ARHGAP35: variants seen among roughly 807,000 people sequenced by gnomAD.
ARHGAP35 encodes the protein rho GTPase-activating protein 35.
Under a neutral mutation model 111.1 loss-of-function variants are expected in ARHGAP35, and 15 were observed. That is an observed-to-expected ratio of 0.13 (90% CI 0.09 to 0.21). ARHGAP35 has a LOEUF of 0.21. ARHGAP35 is among the 10% of genes least tolerant of loss of function. The pLI is 1.00. For missense variants in ARHGAP35, 1,262 were observed against 1,873.0 expected (o/e 0.67, Z 6.02); for synonymous variants, 643 against 710.3 (o/e 0.91, Z 1.51).
Position 46,922,460 on chromosome 19 carries a change from A to G in ARHGAP35, c.3681+104A>G. The stretch of plus-strand genomic sequence containing the variant: ...GACAACCTATTCTGGTAAAAAAAAA[A>G]CTGCCCTGTGTGTGTATTTGACTTA... On this transcript the variant is annotated intron_variant, in intron 2 of 6. Coordinates refer to ENST00000672722, the MANE Select transcript of ARHGAP35 (RefSeq NM_004491.5). The surrounding 1 kb of genome is among the most constrained non-coding windows in gnomAD (Gnocchi z 4.0). 1 of 1,142,790 alleles carries G rather than the reference A, an allele frequency of 8.8e-7. No homozygotes were observed. The highest frequency in any genetic ancestry group is 1.2e-6 in the Non-Finnish European group (1 of 838,578). 70.8% of individuals were successfully genotyped at this position (1,142,790 alleles called of 1,614,324 possible). A position where few individuals can be genotyped will look rare whatever the true frequency, so the allele number is the denominator to read the frequency against.
intron 3 of ARHGAP35, among the ~76,000 whole-genome samples, chr19:46,961,212 T>C (rs969270161): frequency 1.1e-4 from 16 of 152,202 alleles, no homozygotes; most frequent in Non-Finnish European, 1.5e-4. Context: ...TAATAATTTG[T>C]TTAATCAGTC....
At chr19:46,870,899 C>A (rs1288633658) in intron 1 of ARHGAP35, among the ~76,000 whole-genome samples, 3 of 152,046 alleles carry the variant, frequency 2.0e-5, no homozygotes, top group Admixed American at 2.0e-4. Flanking sequence ...TCTTAAGTGT[C>A]CATTTCTGAA....
In ARHGAP35 at chr19:46,993,623, G is replaced by A. The variant is rs1041404154; in HGVS notation, c.4036+3948G>A. Among the ~76,000 whole-genome samples the A allele has an allele frequency of 6.6e-6, 1 of 152,168 alleles. No homozygotes were observed. The highest frequency in any genetic ancestry group is 1.5e-5 in the Non-Finnish European group (1 of 68,022). The stretch of plus-strand genomic sequence containing the variant: ...CTCCTGAGTTCTTGGGGTCTCTATT[G>A]TACTAAATTGCTGGATCTGTGTCCA... On this transcript the variant is annotated intron_variant, in intron 5 of 6. Transcript: ENST00000672722. This position sits in a 1 kb window ranked among gnomAD's most constrained non-coding sequence, Gnocchi z 4.6.
At chr19:46,954,738 T>G (rs2056429883) in intron 3 of ARHGAP35, among the ~76,000 whole-genome samples, 1 of 152,268 alleles carries the variant, frequency 6.6e-6, no homozygotes, top group Non-Finnish European at 1.5e-5. Flanking sequence ...TCACACAATT[T>G]ATCTTTTCAT....
intron 1 of ARHGAP35, among the ~76,000 whole-genome samples, chr19:46,900,530 C>G (rs935173924): frequency 1.3e-5 from 2 of 152,092 alleles, no homozygotes; most frequent in Admixed American, 1.3e-4. Context: ...CTTTATTAGC[C>G]AATTTGAAAC....
intron 3 of ARHGAP35, among the ~76,000 whole-genome samples, chr19:46,971,225 G>A (rs564227289): frequency 6.6e-6 from 1 of 152,198 alleles, no homozygotes; most frequent in East Asian, 1.9e-4. Flanking sequence ...GGCCAATATG[G>A]TGAAACCCCA....
At chr19:46,888,316 A>G (rs1390784009) in intron 1 of ARHGAP35, among the ~76,000 whole-genome samples, 6 of 60,506 alleles carry the variant, frequency 9.9e-5, no homozygotes, top group African/African-American at 3.8e-4. Flanking sequence ...ATATATATAT[A>G]TAAAATATTG....
At chr19:46,941,485 T>C (rs1389314603) in intron 3 of ARHGAP35, among the ~76,000 whole-genome samples, 1 of 151,758 alleles carries the variant, frequency 6.6e-6, no homozygotes, top group East Asian at 2.0e-4. Context: ...GGAGAATTGC[T>C]TGAGGCCAAA....
chr19:46,881,311 G>C (rs2055961563), intron 1 of ARHGAP35, among the ~76,000 whole-genome samples: 1 of 152,220 alleles, frequency 6.6e-6, no homozygotes, highest in African/African-American at 2.4e-5. Context: ...ACTTTGCCCA[G>C]ATCCATCAAA....
intron 1 of ARHGAP35, among the ~76,000 whole-genome samples, chr19:46,866,190 C>T (rs1184982147): frequency 6.6e-6 from 1 of 152,128 alleles, no homozygotes; most frequent in African/African-American, 2.4e-5. Flanking sequence ...CAGCACTATC[C>T]ATGATGTCCA....
chr19:46,922,316 G>A lies in ARHGAP35; in HGVS notation c.3641G>A (p.Arg1214Gln), dbSNP rs2056207845. ...VIPYETDEDPRRRNILRSLRR... is the reference protein window; with the variant it reads ...VIPYETDEDPQRRNILRSLRR... The stretch of plus-strand genomic sequence containing the variant: ...CCATACGAAACAGACGAAGACCCGC[G>A]GAGGAGGAATATTCTTCGCAGCCTA... Residue 1214 changes from arginine to glutamine, a missense_variant, in exon 2 of 7, where the codon CGG becomes CAG. Physicochemically the swap from Arg to Gln is conservative, Grantham distance 43. Transcript: ENST00000672722. This position sits in a 1 kb window ranked among gnomAD's most constrained non-coding sequence, Gnocchi z 4.0. The A allele has an allele frequency of 1.2e-6, 2 of 1,611,900 alleles. No homozygotes were observed. Among genetic ancestry groups the A allele is most frequent in the Non-Finnish European group, 8.5e-7 (1 of 1,178,898 alleles).
Position 46,953,172 on chromosome 19 carries a change from G to A in ARHGAP35, c.3826+15764G>A, listed in dbSNP as rs149268369. ...CCAGACAGACAAAATCCTCACCCTC[G>A]TGTGGCATACATTATAACCCGGGGG... On this transcript the variant is annotated intron_variant, in intron 3 of 6. Transcript: ENST00000672722. Among the ~76,000 whole-genome samples, 206 of 152,246 alleles carry A rather than the reference G, an allele frequency of 1.4e-3. 1 individual carries two copies. Among genetic ancestry groups the A allele is most frequent in the African/African-American group, 4.5e-3 (186 of 41,546 alleles).
intron 3 of ARHGAP35, among the ~76,000 whole-genome samples, chr19:46,984,940 T>C (rs535918618): frequency 6.6e-6 from 1 of 152,358 alleles, no homozygotes; most frequent in African/African-American, 2.4e-5. Context: ...GGCCCTCGGC[T>C]GGCCAGGTCT....
intron 3 of ARHGAP35, among the ~76,000 whole-genome samples, chr19:46,976,201 A>C (rs546604389): frequency 6.8e-6 from 1 of 146,624 alleles, no homozygotes; most frequent in South Asian, 2.1e-4. Context: ...TTTAAAACAA[A>C]GCTTTCTCCT....
chr19:46,904,216 C>T (rs1262840135), intron 1 of ARHGAP35, among the ~76,000 whole-genome samples: 1 of 152,198 alleles, frequency 6.6e-6, no homozygotes, highest in African/African-American at 2.4e-5. Context: ...TTCCCCTCTC[C>T]CCTTCAGCTT....
intron 3 of ARHGAP35, among the ~76,000 whole-genome samples, chr19:46,963,778 A>G (rs1297708459): frequency 6.6e-6 from 1 of 152,204 alleles, no homozygotes; most frequent in Non-Finnish European, 1.5e-5. Context: ...GTATGCTTTA[A>G]TAATGGTTTA....
chr19:46,944,298 C>CA (rs1198310783), intron 3 of ARHGAP35, among the ~76,000 whole-genome samples: 1,304 of 64,630 alleles, frequency 0.02, 7 homozygotes, highest in African/African-American at 0.031. Flanking sequence ...GACCCTGTCT[C>CA]AAAAAAAAAA....
intron 3 of ARHGAP35, among the ~76,000 whole-genome samples, chr19:46,943,679 T>G (rs2056362551): frequency 6.6e-6 from 1 of 152,194 alleles, no homozygotes; most frequent in Non-Finnish European, 1.5e-5. Flanking sequence ...CAGTCCAAAG[T>G]CAGAAGTCTT....
intron 1 of ARHGAP35, among the ~76,000 whole-genome samples, chr19:46,915,868 G>A (rs1280169905): frequency 6.6e-6 from 1 of 151,516 alleles, no homozygotes; most frequent in African/African-American, 2.4e-5. Context: ...GGTTCTTTAA[G>A]GTGCCATTTT....
Sources: gnomAD v4.1 joint callset for allele counts (sites outside exome capture counted in the v4.1 genomes callset) on GRCh38, gnomAD v4.1.1 for gene constraint, Gnocchi (gnomAD v3.1) non-coding constraint, MANE v1.5 for transcripts, NCBI Gene and HGNC (gene_info 2026-07-23, HGNC 2026-07-21) for gene names.